TMEM131: variants seen among roughly 807,000 people sequenced by gnomAD.
TMEM131 encodes transmembrane protein 131.
In TMEM131, 66 loss-of-function variants were observed where a neutral mutation model predicts 211.6. That is an observed-to-expected ratio of 0.31 (90% confidence interval 0.26 to 0.38). The LOEUF is 0.38. TMEM131 is among the 10% of genes least tolerant of loss of function. The pLI, the probability that TMEM131 is intolerant of heterozygous loss-of-function variation, is 1.00. For synonymous variants in TMEM131, 844 were observed against 841.3 expected, an observed-to-expected ratio of 1.00 and a Z score of -0.06; for missense variants, 2,036 against 2,299.3, an observed-to-expected ratio of 0.89 and a Z score of 2.34.
At chr2:97,776,076 T>A (rs1353126747) in intron 31 of TMEM131, 58 bp from the exon 32 acceptor site, 1 of 1,543,466 alleles carries the variant, frequency 6.5e-7, no homozygotes, top group Non-Finnish European at 8.7e-7. Context: ...TTTTTTGAGA[T>A]GGAGTCTTGC....
chr2:97,926,069 G>A (rs1361212893), intron 2 of TMEM131, among the ~76,000 whole-genome samples: 1 of 149,950 alleles, frequency 6.7e-6, no homozygotes, highest in African/African-American at 2.5e-5. Flanking sequence ...CCGAGATCGC[G>A]CCACTGCACT....
Position 97,888,122 on chromosome 2 carries a change from T to A in TMEM131, c.291-2A>T, listed in dbSNP as rs1303299901. ...CAATTCCCCCGGTAGAGAGATATAC[T>A]GTAAATAAAAAGAAAACAACATAAG... On this transcript the variant is annotated splice_acceptor_variant, in intron 3 of 40. Transcript: ENST00000186436. LOFTEE classifies it high-confidence loss of function. 6.2e-7 allele frequency: 1 copy of A among 1,610,288 alleles called. No homozygotes were observed.
At chr2:97,874,738 C>G (rs1674623739) in intron 4 of TMEM131, among the ~76,000 whole-genome samples, 3 of 152,130 alleles carry the variant, frequency 2.0e-5, no homozygotes, top group South Asian at 4.1e-4. Flanking sequence ...TAAATATGGA[C>G]AGGAACAACC....
chr2:97,981,972 T>C (rs903808908), intron 1 of TMEM131, among the ~76,000 whole-genome samples: 15 of 152,262 alleles, frequency 9.9e-5, no homozygotes, highest in Non-Finnish European at 1.6e-4. Context: ...TTGGCTACTA[T>C]AAATAATGCT....
chr2:97,891,045 T>TTAACC (rs1289010350), intron 3 of TMEM131, among the ~76,000 whole-genome samples: 2 of 152,216 alleles, frequency 1.3e-5, no homozygotes, highest in African/African-American at 4.8e-5. Context: ...CAATCCTATG[T>TTAACC]TAACCAAACC....
Position 97,863,117 on chromosome 2 carries a change from A to T in TMEM131, c.360-3690T>A, listed in dbSNP as rs558939587. Reference sequence around the variant, plus strand: ...GCTGAAGGCAACAACAACAAAAAAAACCCCCACACTTTTACCCTAGAATAG... The same window carrying T: ...GCTGAAGGCAACAACAACAAAAAAATCCCCCACACTTTTACCCTAGAATAG... On this transcript the variant is annotated intron_variant, in intron 4 of 40. Transcript: ENST00000186436. Among the ~76,000 whole-genome samples, 7 of 152,080 alleles carry T rather than the reference A, an allele frequency of 4.6e-5. No homozygotes were observed. The South Asian group carries it at 1.5e-3, about 32-fold the overall frequency.
At position 97,833,436 on chromosome 2, in the gene TMEM131, T is replaced by C. The variant is rs771184961; in HGVS notation, c.1013-10A>G. 4 of 1,249,662 alleles carry C rather than the reference T, an allele frequency of 3.2e-6. No individual in the cohort carries two copies. Among genetic ancestry groups the C allele is most frequent in the African/African-American group, 1.5e-5 (1 of 65,138 alleles). 77.4% of individuals were successfully genotyped at this position (1,249,662 alleles called of 1,614,324 possible). A position where few individuals can be genotyped will look rare whatever the true frequency, so the allele number is the denominator to read the frequency against. On this transcript the variant is annotated splice_polypyrimidine_tract_variant and intron_variant, in intron 10 of 40. Coordinates refer to ENST00000186436, the MANE Select transcript of TMEM131 (RefSeq NM_015348.2). ...AAAACTTTTGGTAGATCTGTTAAAA[T>C]TGAGGAAAAGAAATATTTCTTAAAA... is the stretch of plus-strand genomic sequence containing the variant.
intron 1 of TMEM131, among the ~76,000 whole-genome samples, chr2:97,966,128 T>C (rs1198378510): frequency 6.6e-6 from 1 of 151,806 alleles, no homozygotes; most frequent in African/African-American, 2.4e-5. Context: ...ATTTCTATCA[T>C]GAATATCTAG....
chr2:97,943,072 A>AGAAAGAAAGAAAGAAAGAAG, intron 1 of TMEM131, among the ~76,000 whole-genome samples: 2 of 142,618 alleles, frequency 1.4e-5, no homozygotes, highest in African/African-American at 5.1e-5. Context: ...AAAGAAAGAA[A>AGAAAGAAAGAAAGAAAGAAG]GAAAGAAAGA....
intron 1 of TMEM131, among the ~76,000 whole-genome samples, chr2:97,984,916 C>G (rs548248724): frequency 6.6e-6 from 1 of 152,026 alleles, no homozygotes; most frequent in African/African-American, 2.4e-5. Context: ...AATGGGTATC[C>G]CTGGACGAGT....
At position 97,775,976 on chromosome 2, in the gene TMEM131, T is replaced by A; in HGVS notation, c.4187A>T (p.Lys1396Met). 6.2e-7 allele frequency: 1 copy of A among 1,614,042 alleles called. No individual in the cohort carries two copies. The highest frequency in any genetic ancestry group is 1.3e-5 in the African/African-American group (1 of 75,066). ...TCCCTTCTTCTCCTTTTCCTCTTGC[T>A]TCTTAGGTGGTTTCACCTTGCGCTG... is the stretch of plus-strand genomic sequence containing the variant. Reference protein sequence around the residue: ...PLQRKVKPPKKQEEKEKKGKG... With the variant: ...PLQRKVKPPKMQEEKEKKGKG... Residue 1396 changes from lysine to methionine, a missense_variant, in exon 32 of 41, where the codon AAG becomes ATG. By Grantham distance (95) the Lys-to-Met change is moderately conservative (BLOSUM62 -1). Coordinates refer to ENST00000186436, the MANE Select transcript of TMEM131 (RefSeq NM_015348.2).
rs140939335 is a variant in TMEM131, at chr2:97,759,877, G to C, written c.5109-128C>G. 3.5e-3 allele frequency: 2,491 copies of C among 703,076 alleles called. 45 individuals are homozygous for C. The African/African-American group carries it at 0.038, about 11-fold the overall frequency. The allele number at this position is 703,076 out of a possible 1,614,324, so 43.6% of individuals were successfully genotyped here. ...TGGGGGTACTCAAATATTAAAAACAGACAAAAGGAAGAGCTGAACAATGGC... is the reference window on the plus strand; with the variant it reads ...TGGGGGTACTCAAATATTAAAAACACACAAAAGGAAGAGCTGAACAATGGC... On this transcript the variant is annotated intron_variant, in intron 38 of 40. Transcript: ENST00000186436.
chr2:97,765,122 T>G (rs536182974), intron 35 of TMEM131: 11 of 152,248 alleles, frequency 7.2e-5, no homozygotes, highest in Non-Finnish European at 1.6e-4. Flanking sequence ...ACCCACGGTC[T>G]TCTTCAAGAT....
chr2:97,921,202 C>T (rs542145082), intron 2 of TMEM131, among the ~76,000 whole-genome samples: 9 of 152,208 alleles, frequency 5.9e-5, no homozygotes, highest in African/African-American at 2.2e-4. Flanking sequence ...CAGAAACAGG[C>T]TCACACATAT....
chr2:97,829,980 T>C (rs932798259), intron 11 of TMEM131, among the ~76,000 whole-genome samples: 3 of 152,108 alleles, frequency 2.0e-5, no homozygotes, highest in Non-Finnish European at 2.9e-5. Context: ...ATTTTTTTCA[T>C]GTGAAACACA....
In TMEM131 at chr2:97,995,390, G is replaced by C. The variant is rs1680453025; in HGVS notation, c.187+86C>G. 3.2e-6 allele frequency: 4 copies of C among 1,240,584 alleles called. No homozygotes were observed. In the African/African-American group the frequency reaches 6.3e-5, roughly 20 times the overall value. The allele number at this position is 1,240,584 out of a possible 1,614,324, so 76.8% of individuals were successfully genotyped here. A position where few individuals can be genotyped will look rare whatever the true frequency, so the allele number is the denominator to read the frequency against. On this transcript the variant is annotated intron_variant, in intron 1 of 40. Coordinates refer to ENST00000186436, the MANE Select transcript of TMEM131 (RefSeq NM_015348.2). ...AACTTTGCGCCGGAGCCCCGGCCGCGGCCCTTCCTCCCGGCCCAGCCCTCC... is the reference window on the plus strand; with the variant it reads ...AACTTTGCGCCGGAGCCCCGGCCGCCGCCCTTCCTCCCGGCCCAGCCCTCC...
intron 2 of TMEM131, among the ~76,000 whole-genome samples, chr2:97,909,981 AAT>A (rs1676228122): frequency 6.6e-6 from 1 of 152,190 alleles, no homozygotes; most frequent in African/African-American, 2.4e-5. Context: ...TTATAAATCA[AAT>A]ATCTGATGAG....
At chr2:97,860,934 C>G (rs1674040307) in intron 4 of TMEM131, among the ~76,000 whole-genome samples, 1 of 152,032 alleles carries the variant, frequency 6.6e-6, no homozygotes, top group Admixed American at 6.5e-5. Flanking sequence ...CCACCTACCC[C>G]ACTCCACCCG....
At chr2:97,981,469 T>C (rs904935674) in intron 1 of TMEM131, among the ~76,000 whole-genome samples, 1 of 152,222 alleles carries the variant, frequency 6.6e-6, no homozygotes, top group Non-Finnish European at 1.5e-5. Context: ...GAACACGTGC[T>C]TTCCTGCAGT....
Sources: gnomAD v4.1 joint callset for allele counts (sites outside exome capture counted in the v4.1 genomes callset) on GRCh38, gnomAD v4.1.1 for gene constraint, MANE v1.5 for transcripts, NCBI Gene and HGNC (gene_info 2026-07-23, HGNC 2026-07-21) for gene names.